AKAP6: variants seen among roughly 807,000 people sequenced by gnomAD.
AKAP6 encodes the protein A-kinase anchoring protein 6.
In AKAP6, 58 loss-of-function variants were observed where a neutral mutation model predicts 188.5. The ratio of observed to expected loss-of-function variants is 0.31; its 90% CI spans 0.25 to 0.38. The LOEUF is 0.38. Among genes scored for constraint, AKAP6 ranks in the 10% least tolerant of loss-of-function variants. The pLI, the probability that AKAP6 is intolerant of heterozygous loss-of-function variation, is 1.00. For missense variants in AKAP6, 2,710 were observed against 2,740.0 expected (o/e 0.99, Z 0.24); for synonymous variants, 989 against 998.6 (o/e 0.99, Z 0.18).
chr14:32,492,355 T>TATGTATATATAGAGAGAGAGAG, intron 2 of AKAP6, among the ~76,000 whole-genome samples: 1 of 82,586 alleles, frequency 1.2e-5, no homozygotes, highest in Non-Finnish European at 2.7e-5. Context: ...TATATATATA[T>TATGTATATATAGAGAGAGAGAG]AGAGAGAGAG....
chr14:32,405,876 C>A (rs768690276), intron 1 of AKAP6, among the ~76,000 whole-genome samples: 1 of 152,180 alleles, frequency 6.6e-6, no homozygotes, highest in Non-Finnish European at 1.5e-5. Context: ...TGTATTTCTT[C>A]ATAGCAGTGT....
Position 32,803,280 on chromosome 14 carries a change from T to TAA in AKAP6, c.3589-18112_3589-18111dup, listed in dbSNP as rs751626513. ...CCAACATGGGGAAACCCCGTCTCTA[T>TAA]AAAAAAAAAAACAAAACAAATATTT... On this transcript the variant is annotated intron_variant, in intron 12 of 13. Coordinates refer to ENST00000280979, the MANE Select transcript of AKAP6 (RefSeq NM_004274.5). Among the ~76,000 whole-genome samples, 689 of 116,272 alleles carry TAA rather than the reference T, an allele frequency of 5.9e-3. 5 individuals are homozygous for TAA. Among genetic ancestry groups the TAA allele is most frequent in the African/African-American group, 0.016 (569 of 35,252 alleles). The allele number at this position is 116,272 out of a possible 152,430, so 76.3% of individuals were successfully genotyped here. A position where few individuals can be genotyped will look rare whatever the true frequency, so the allele number is the denominator to read the frequency against.
chr14:32,462,364 A>G (rs920769801), intron 2 of AKAP6, among the ~76,000 whole-genome samples: 19 of 152,240 alleles, frequency 1.2e-4, no homozygotes, highest in African/African-American at 4.3e-4. Flanking sequence ...GAAGCTCATC[A>G]GACTAACAGC....
intron 11 of AKAP6, among the ~76,000 whole-genome samples, chr14:32,752,512 TA>T (rs1371721098): frequency 6.6e-6 from 1 of 152,178 alleles, no homozygotes; most frequent in Admixed American, 6.5e-5. Flanking sequence ...AACAGACAAA[TA>T]AGAATTGAAC....
chr14:32,619,630 G>C (rs1477351255), intron 7 of AKAP6, among the ~76,000 whole-genome samples: 4 of 152,112 alleles, frequency 2.6e-5, no homozygotes, highest in Admixed American at 1.3e-4. Flanking sequence ...TGTTCTTTTT[G>C]CTTAGGATTG....
chr14:32,822,256 A>G lies in AKAP6; in HGVS notation c.4443A>G (p.Pro1481=), dbSNP rs751590833. Reference sequence around the variant, plus strand: ...TCCAAGGCTCAAAACTCAAATTACCAATGATAATGAAACAGTCACAAAGCG... The same window carrying G: ...TCCAAGGCTCAAAACTCAAATTACCGATGATAATGAAACAGTCACAAAGCG... ...SYLQGSKLKL[P]MIMKQSQSEK... The change falls in exon 13 of 14, where the codon CCA becomes CCG. Residue 1481 remains proline (P), a synonymous_variant. Coordinates refer to ENST00000280979, the MANE Select transcript of AKAP6 (RefSeq NM_004274.5). 5.0e-6 allele frequency: 8 copies of G among 1,613,790 alleles called. No individual in the cohort carries two copies. The African/African-American group carries it at 6.7e-5, about 13-fold the overall frequency.
chr14:32,337,564 T>A (rs118033587), intron 1 of AKAP6, among the ~76,000 whole-genome samples: 9,387 of 152,204 alleles, frequency 0.062, 406 homozygotes, highest in Non-Finnish European at 0.084. Flanking sequence ...AGGATTTTTT[T>A]AAAAATTTTA....
In AKAP6 at chr14:32,602,810, G is replaced by A. The variant is rs773753711; in HGVS notation, c.2730+2018G>A. Reference sequence around the variant, plus strand: ...GAGGTTAGGTAACTTCCTTAAGGTCGCACAGCTGCTAAGTAGCAGAGCTGG... The same window carrying A: ...GAGGTTAGGTAACTTCCTTAAGGTCACACAGCTGCTAAGTAGCAGAGCTGG... On this transcript the variant is annotated intron_variant, in intron 7 of 13. Coordinates refer to ENST00000280979, the MANE Select transcript of AKAP6 (RefSeq NM_004274.5). Among the ~76,000 whole-genome samples the A allele has an allele frequency of 1.2e-4, 18 of 152,262 alleles. No homozygotes were observed. In the East Asian group the frequency reaches 1.7e-3, roughly 15 times the overall value.
chr14:32,577,005 G>C (rs763873699), intron 4 of AKAP6, 115 bp from the exon 5 acceptor site: 2 of 1,197,116 alleles, frequency 1.7e-6, no homozygotes, highest in Non-Finnish European at 2.3e-6. Flanking sequence ...GGAGTGCGGT[G>C]GGATCGATTT....
At position 32,609,873 on chromosome 14, in the gene AKAP6, T is replaced by TGA. The variant is rs1227807063; in HGVS notation, c.2730+9081_2730+9082insGA. 4.7e-3 allele frequency among the ~76,000 whole-genome samples: 584 copies of TGA among 124,996 alleles called. 4 individuals are homozygous for TGA. The highest frequency in any genetic ancestry group is 0.02 in the African/African-American group (539 of 26,482). 82.0% of individuals were successfully genotyped at this position (124,996 alleles called of 152,430 possible). A position where few individuals can be genotyped will look rare whatever the true frequency, so the allele number is the denominator to read the frequency against. On this transcript the variant is annotated intron_variant, in intron 7 of 13. Coordinates refer to ENST00000280979, the MANE Select transcript of AKAP6 (RefSeq NM_004274.5). Reference sequence around the variant, plus strand: ...TTCATGAGGTCTCTCTCTCTCTCTCTCTCTCTGACACACACACACACACAC... The same window carrying TGA: ...TTCATGAGGTCTCTCTCTCTCTCTCTGACTCTCTGACACACACACACACACAC...
rs547949760 is a variant in AKAP6 at position 32,742,109 on chromosome 14, T to C, written c.3372+6227T>C. On this transcript the variant is annotated intron_variant, in intron 11 of 13. Coordinates refer to ENST00000280979, the MANE Select transcript of AKAP6 (RefSeq NM_004274.5). ...TTCCTGGTTCAATCTTGATAGGTTG[T>C]ATGTGTCTAGGAATTTGTTCATTTC... Among the ~76,000 whole-genome samples the C allele has an allele frequency of 2.0e-4, 30 of 152,122 alleles. No homozygotes were observed. The South Asian group carries it at 6.2e-3, about 32-fold the overall frequency.
At chr14:32,685,895 T>C (rs1426371756) in intron 8 of AKAP6, among the ~76,000 whole-genome samples, 3 of 152,044 alleles carry the variant, frequency 2.0e-5, no homozygotes, top group African/African-American at 7.2e-5. Flanking sequence ...CTCAAAAAGC[T>C]AAAAATAGGG....
At chr14:32,708,140 A>G (rs1425526339) in intron 9 of AKAP6, among the ~76,000 whole-genome samples, 1 of 152,106 alleles carries the variant, frequency 6.6e-6, no homozygotes, top group Non-Finnish European at 1.5e-5. Context: ...GAAACCTAAA[A>G]ATCAGACAAT....
Position 32,824,614 on chromosome 14 carries a change from A to G in AKAP6, c.6801A>G (p.Glu2267=), listed in dbSNP as rs35977369. ...CAGGTGAATCTGGAATGCCAGAAGA[A>G]CATAATGCTGCTTCAGCCAAATCTA... The part of the protein sequence containing the change: ...GKPGESGMPE[E]HNAASAKSKV... Residue 2267 remains glutamate (E), a synonymous_variant, in exon 13 of 14, where the codon GAA becomes GAG. Coordinates refer to ENST00000280979, the MANE Select transcript of AKAP6 (RefSeq NM_004274.5). 2 of 1,613,934 alleles carry G rather than the reference A, an allele frequency of 1.2e-6. No homozygotes were observed. Among genetic ancestry groups the G allele is most frequent in the South Asian group, 1.1e-5 (1 of 91,078 alleles).
At chr14:32,333,583 A>G (rs573107502) in intron 1 of AKAP6, among the ~76,000 whole-genome samples, 173 of 152,236 alleles carry the variant, frequency 1.1e-3, no homozygotes, top group African/African-American at 3.5e-3. Context: ...GCACATTTGT[A>G]TAGGTACATA....
chr14:32,514,125 G>A (rs902912778), intron 2 of AKAP6, among the ~76,000 whole-genome samples: 4 of 152,126 alleles, frequency 2.6e-5, no homozygotes, highest in Non-Finnish European at 5.9e-5. Context: ...AAGGTTAATC[G>A]ACAGCTTGCC....
chr14:32,667,971 G>T (rs193041675), intron 7 of AKAP6, among the ~76,000 whole-genome samples: 1 of 152,192 alleles, frequency 6.6e-6, no homozygotes, highest in Admixed American at 6.5e-5. Context: ...CAGGGCAAGA[G>T]AAACTAAGAT....
intron 8 of AKAP6, among the ~76,000 whole-genome samples, chr14:32,695,506 G>A (rs986471720): frequency 6.6e-6 from 1 of 152,132 alleles, no homozygotes; most frequent in Non-Finnish European, 1.5e-5. Context: ...TAGTTAAATT[G>A]TTATTCTTAA....
intron 5 of AKAP6, among the ~76,000 whole-genome samples, chr14:32,590,345 T>G (rs1885437932): frequency 6.6e-6 from 1 of 151,946 alleles, no homozygotes. Flanking sequence ...ATTAAAAATA[T>G]CTGCTAAGGC....
Sources: gnomAD v4.1 joint callset for allele counts (sites outside exome capture counted in the v4.1 genomes callset) on GRCh38, gnomAD v4.1.1 for gene constraint, MANE v1.5 for transcripts, NCBI Gene and HGNC (gene_info 2026-07-23, HGNC 2026-07-21) for gene names.